The following TREM2 variants were observed in gnomAD, a reference collection of about 807,000 sequenced individuals.
TREM2 encodes triggering receptor expressed on monocytes 2.
In TREM2, 20 loss-of-function variants were observed where a neutral mutation model predicts 22.9. The observed-to-expected ratio is 0.87, with a 90% CI of 0.61 to 1.27. The LOEUF (loss-of-function observed/expected upper bound fraction) is 1.27, where lower values mean the gene tolerates loss of function less well. Among genes scored for constraint, TREM2 ranks in the 50% most tolerant of loss-of-function variants. TREM2 has a pLI of 0.00. For synonymous variants in TREM2, 111 were observed against 120.9 expected (o/e 0.92, Z 0.54); for missense variants, 267 against 289.0 (o/e 0.92, Z 0.55).
At position 41,163,113 on chromosome 6, in the gene TREM2, G is replaced by A. The variant is rs191230466; in HGVS notation, c.-31C>T. On this transcript the variant is annotated 5_prime_UTR_variant, in exon 1 of 5. Transcript: ENST00000373113. ...CCTTCCCCAGCCAAGGGCAGAAGCA[G>A]AGTGCCTTGTGCAAGATCTCGTCTT... 6.2e-7 allele frequency: 1 copy of A among 1,613,400 alleles called. No individual in the cohort carries two copies.
chr6:41,159,012 C>G lies in TREM2; in HGVS notation c.537G>C (p.Leu179=). The G allele has an allele frequency of 1.2e-6, 2 of 1,614,168 alleles. No individual in the cohort carries two copies. The highest frequency in any genetic ancestry group is 1.7e-6 in the Non-Finnish European group (2 of 1,180,024). The change falls in exon 4 of 5, where the codon CTG becomes CTC. Residue 179 remains leucine, a synonymous_variant. Transcript: ENST00000373113. ...GAATCTTGATGAGAAAGATGCAGGC[C>G]AGGAGGAGAAGGATGGAAGTGGGTG... The part of the protein sequence containing the change: ...PFPPTSILLL[L]ACIFLIKILA...
chr6:41,160,823 T>C (rs1765544451), intron 2 of TREM2, among the ~76,000 whole-genome samples: 1 of 152,164 alleles, frequency 6.6e-6, no homozygotes, highest in Non-Finnish European at 1.5e-5. Context: ...CTGCACCAGG[T>C]TGGTGCTTCA....
Position 41,161,348 on chromosome 6 carries a change from G to A in TREM2, c.306C>T (p.Pro102=). The stretch of plus-strand genomic sequence containing the variant: ...GGCACTGGTAGAGACCCGCATCATG[G>A]GGTTGTAGATTCCGCAGCGTAATGG... The part of the protein sequence containing the change: ...TLTITLRNLQ[P]HDAGLYQCQS... The change falls in exon 2 of 5, where the codon CCC becomes CCT. Residue 102 remains proline, a synonymous_variant. Coordinates refer to ENST00000373113, the MANE Select transcript of TREM2 (RefSeq NM_018965.4). 6.2e-7 allele frequency: 1 copy of A among 1,614,240 alleles called. No homozygotes were observed. Among genetic ancestry groups the A allele is most frequent in the African/African-American group, 1.3e-5 (1 of 75,054 alleles).
At chr6:41,162,272 T>C (rs115361342) in intron 1 of TREM2, among the ~76,000 whole-genome samples, 2,833 of 152,262 alleles carry the variant, frequency 0.019, 85 homozygotes, top group African/African-American at 0.063. Context: ...AAAGATAGGA[T>C]TGGGAAGTTG....
chr6:41,160,369 C>G (rs1364399704), intron 2 of TREM2, among the ~76,000 whole-genome samples: 1 of 152,084 alleles, frequency 6.6e-6, no homozygotes, highest in African/African-American at 2.4e-5. Flanking sequence ...CCTGGCCTCC[C>G]CAAGTCAGGC....
chr6:41,161,179 C>A, intron 2 of TREM2, 84 bp downstream of exon 2: 1 of 1,226,846 alleles, frequency 8.2e-7, no homozygotes, highest in Non-Finnish European at 1.2e-6. Context: ...CCCTGAGAGC[C>A]CAGTGGGTGG....
intron 2 of TREM2, among the ~76,000 whole-genome samples, chr6:41,160,150 C>T (rs764050697): frequency 6.6e-6 from 1 of 152,200 alleles, no homozygotes; most frequent in African/African-American, 2.4e-5. Context: ...TGCAATGCCC[C>T]CCTCCTTCCG....
rs1765478801 is a variant in TREM2, at chr6:41,158,666, G to A, written c.*98C>T. On this transcript the variant is annotated 3_prime_UTR_variant, in exon 5 of 5. Coordinates refer to ENST00000373113, the MANE Select transcript of TREM2 (RefSeq NM_018965.4). Reference sequence around the variant, plus strand: ...GTTCAGGCAGAGTAGTCTCTTGCCAGAGCAGAACAAGGAGTCCTGGTGGCC... The same window carrying A: ...GTTCAGGCAGAGTAGTCTCTTGCCAAAGCAGAACAAGGAGTCCTGGTGGCC... 2 of 1,611,660 alleles carry A rather than the reference G, an allele frequency of 1.2e-6. No homozygotes were observed. The highest frequency in any genetic ancestry group is 4.5e-5 in the East Asian group (2 of 44,820).
intron 1 of TREM2, 104 bp downstream of exon 1, chr6:41,162,939 C>T: frequency 6.7e-7 from 1 of 1,494,762 alleles, no homozygotes; most frequent in Non-Finnish European, 9.3e-7. Context: ...CATGCGAGGA[C>T]TGCCACCGCC....
At chr6:41,159,255 G>A (rs1765497637) in intron 3 of TREM2, 189 bp from the exon 4 acceptor site, 1 of 686,442 alleles carries the variant, frequency 1.5e-6, no homozygotes, top group East Asian at 2.7e-5. Flanking sequence ...GGCATGCTCT[G>A]CCACTAACCT....
chr6:41,160,109 C>G (rs117151816), intron 2 of TREM2, among the ~76,000 whole-genome samples: 1 of 152,300 alleles, frequency 6.6e-6, no homozygotes, highest in Non-Finnish European at 1.5e-5. Context: ...ACCTCTGTGC[C>G]GTATCCAGCA....
intron 1 of TREM2, among the ~76,000 whole-genome samples, chr6:41,161,963 T>C (rs1461507301): frequency 6.6e-6 from 1 of 151,152 alleles, no homozygotes; most frequent in African/African-American, 2.4e-5. Context: ...TGGGGCTGGC[T>C]CTCCCTGCCC....
At position 41,161,509 on chromosome 6, in the gene TREM2, C is replaced by A. The variant is rs767357967; in HGVS notation, c.145G>T (p.Ala49Ser). ...TTCTCTCCCAGCTGGCGGCACCAGGCCTTGCGCCTCCCCCAGTGCTTCATG... is the reference window on the plus strand; with the variant it reads ...TTCTCTCCCAGCTGGCGGCACCAGGACTTGCGCCTCCCCCAGTGCTTCATG... ...DSMKHWGRRK[A>S]WCRQLGEKGP... is the part of the protein sequence containing the mutation. The change falls in exon 2 of 5, where the codon GCC becomes TCC. Residue 49 changes from alanine to serine, a missense_variant. Coordinates refer to ENST00000373113, the MANE Select transcript of TREM2 (RefSeq NM_018965.4). 33 of 1,614,114 alleles carry A rather than the reference C, an allele frequency of 2.0e-5. No individual in the cohort carries two copies. The highest frequency in any genetic ancestry group is 2.2e-5 in the East Asian group (1 of 44,902).
intron 1 of TREM2, among the ~76,000 whole-genome samples, chr6:41,162,006 T>C (rs538260161): frequency 3.3e-5 from 5 of 152,328 alleles, no homozygotes; most frequent in African/African-American, 9.6e-5. Flanking sequence ...GCCGCCCACA[T>C]TGGTACCGAC....
At chr6:41,160,313 AG>A (rs1423702834) in intron 2 of TREM2, among the ~76,000 whole-genome samples, 1 of 152,030 alleles carries the variant, frequency 6.6e-6, no homozygotes, top group African/African-American at 2.4e-5. Flanking sequence ...GGCCATCCTT[AG>A]GAAAGTGGTG....
chr6:41,162,831 AAG>A (rs949754206), intron 1 of TREM2, among the ~76,000 whole-genome samples: 5 of 152,216 alleles, frequency 3.3e-5, no homozygotes, highest in Admixed American at 1.3e-4. Context: ...CACATGCAGA[AAG>A]AGTCTGAGGG....
At chr6:41,159,089 T>G in intron 3 of TREM2, 23 bp from the exon 4 acceptor site, 1 of 1,602,536 alleles carries the variant, frequency 6.2e-7, no homozygotes, top group Non-Finnish European at 8.5e-7. Flanking sequence ...AGAAGGCAGA[T>G]GGGAGCCTTG....
chr6:41,161,639 CTTTG>C, intron 1 of TREM2, 26 bp from the exon 2 acceptor site: 1 of 1,584,098 alleles, frequency 6.3e-7, no homozygotes, highest in East Asian at 2.3e-5. Context: ...TCATTCACTC[CTTTG>C]TTTACCAAAT....
rs542223886 is a variant in TREM2, at chr6:41,161,163, C to T, written c.391+100G>A. 41 of 1,099,864 alleles carry T rather than the reference C, an allele frequency of 3.7e-5. No individual in the cohort carries two copies. In the African/African-American group the frequency reaches 5.7e-4, roughly 15 times the overall value. 68.1% of individuals were successfully genotyped at this position (1,099,864 alleles called of 1,614,324 possible). A position where few individuals can be genotyped will look rare whatever the true frequency, so the allele number is the denominator to read the frequency against. On this transcript the variant is annotated intron_variant, in intron 2 of 4. Transcript: ENST00000373113. ...GATGAGACCATACGATGGGTTTTCC[C>T]AGGATCCCTGAGAGCCCAGTGGGTG... is the stretch of plus-strand genomic sequence containing the variant.
Sources: allele counts gnomAD v4.1 joint callset (sites outside exome capture counted in the v4.1 genomes callset), GRCh38; gene constraint gnomAD v4.1.1; transcripts MANE v1.5; gene names NCBI Gene and HGNC (gene_info 2026-07-23, HGNC 2026-07-21).